ROBO1: variants seen among roughly 807,000 people sequenced by gnomAD.
The protein encoded by ROBO1 is roundabout guidance receptor 1.
Under a neutral mutation model 195.9 loss-of-function variants are expected in ROBO1, and 149 were observed. The observed-to-expected ratio is 0.76, with a 90% CI of 0.67 to 0.87. The LOEUF (loss-of-function observed/expected upper bound fraction) is 0.87. Among genes scored for constraint, ROBO1 ranks in the 40% least tolerant of loss-of-function variants. The pLI, the probability that ROBO1 is intolerant of heterozygous loss-of-function variation, is 0.00. For missense variants in ROBO1, 1,933 were observed against 2,068.3 expected, an observed-to-expected ratio of 0.93 and a Z score of 1.27; for synonymous variants, 816 against 733.2, an observed-to-expected ratio of 1.11 and a Z score of -1.82.
intron 3 of ROBO1, among the ~76,000 whole-genome samples, chr3:79,093,833 T>A (rs1404281562): frequency 6.6e-6 from 1 of 151,940 alleles, no homozygotes; most frequent in Non-Finnish European, 1.5e-5. Flanking sequence ...ATCCACCAGA[T>A]TTAAGAAGTG....
chr3:79,068,451 T>C (rs2079037068), intron 3 of ROBO1, among the ~76,000 whole-genome samples: 1 of 151,946 alleles, frequency 6.6e-6, no homozygotes, highest in South Asian at 2.1e-4. Context: ...AATGTGGTTG[T>C]TCAAAGTATC....
chr3:78,837,135 C>T (rs559116458), intron 4 of ROBO1, among the ~76,000 whole-genome samples: 50 of 152,068 alleles, frequency 3.3e-4, no homozygotes, highest in Non-Finnish European at 6.6e-4. Context: ...ATAATTAAAA[C>T]ATTAAGTGTT....
intron 1 of ROBO1, among the ~76,000 whole-genome samples, chr3:79,716,434 T>C (rs960798689): frequency 6.6e-6 from 1 of 151,978 alleles, no homozygotes; most frequent in African/African-American, 2.4e-5. Context: ...GACTAGGTTT[T>C]AGTACAGTAA....
intron 1 of ROBO1, among the ~76,000 whole-genome samples, chr3:79,642,514 G>T (rs1333030190): frequency 1.3e-5 from 2 of 152,056 alleles, no homozygotes; most frequent in Non-Finnish European, 2.9e-5. Flanking sequence ...GGGCTTTTAA[G>T]AGCAGCAAAA....
rs138784550 is a variant in ROBO1 at position 78,941,118 on chromosome 3, T to A, written c.173-2191A>T. Among the ~76,000 whole-genome samples the A allele has an allele frequency of 7.9e-5, 12 of 152,348 alleles. No individual in the cohort carries two copies. In the East Asian group the frequency reaches 2.3e-3, roughly 29 times the overall value. On this transcript the variant is annotated intron_variant, in intron 3 of 30. Coordinates refer to ENST00000464233, the MANE Select transcript of ROBO1 (RefSeq NM_002941.4). ...AAATATATTAATGAATAATGAAAGA[T>A]CTATTATTTGCTCATGTCCACCATG...
At chr3:78,628,041 C>T (rs1395100460) in intron 25 of ROBO1, among the ~76,000 whole-genome samples, 1 of 151,576 alleles carries the variant, frequency 6.6e-6, no homozygotes, top group Non-Finnish European at 1.5e-5. Flanking sequence ...GCAACCTCCA[C>T]CTCCCAGGTT....
intron 1 of ROBO1, among the ~76,000 whole-genome samples, chr3:79,611,850 C>A (rs796912439): frequency 6.6e-6 from 1 of 151,700 alleles, no homozygotes; most frequent in Non-Finnish European, 1.5e-5. Context: ...AAAAAACCTG[C>A]GCATTCTGCA....
chr3:79,461,287 C>G (rs964262467), intron 2 of ROBO1, among the ~76,000 whole-genome samples: 3 of 152,010 alleles, frequency 2.0e-5, no homozygotes, highest in African/African-American at 7.2e-5. Context: ...TTAACCACCA[C>G]AGTGGGACAG....
At chr3:79,624,437 T>A (rs1187145375) in intron 1 of ROBO1, among the ~76,000 whole-genome samples, 1 of 152,038 alleles carries the variant, frequency 6.6e-6, no homozygotes, top group East Asian at 1.9e-4. Flanking sequence ...ATCGGTATGC[T>A]GTATTCAGGA....
intron 2 of ROBO1, among the ~76,000 whole-genome samples, chr3:79,247,730 T>C (rs2082650525): frequency 6.6e-6 from 1 of 152,072 alleles, no homozygotes; most frequent in Non-Finnish European, 1.5e-5. Flanking sequence ...CTTTGGAACT[T>C]CTCTGAGCTG....
chr3:78,848,596 T>C (rs72896436), intron 4 of ROBO1, among the ~76,000 whole-genome samples: 6,149 of 152,158 alleles, frequency 0.04, 412 homozygotes, highest in African/African-American at 0.14. Context: ...GGGGATAGAA[T>C]GGTCCACGCA....
chr3:78,716,734 G>C (rs1254770437), intron 7 of ROBO1, among the ~76,000 whole-genome samples: 1 of 152,180 alleles, frequency 6.6e-6, no homozygotes, highest in East Asian at 1.9e-4. Flanking sequence ...TAATGGAGAA[G>C]ACGGCCCGCT....
intron 1 of ROBO1, among the ~76,000 whole-genome samples, chr3:79,623,894 A>T (rs919726447): frequency 6.6e-6 from 1 of 152,254 alleles, no homozygotes; most frequent in South Asian, 2.1e-4. Flanking sequence ...ACGCATAATC[A>T]TCAAATTCTC....
Position 78,668,407 on chromosome 3 carries a change from T to C in ROBO1, c.1630+77A>G, listed in dbSNP as rs565823608. Reference sequence around the variant, plus strand: ...TACACCTACTCAGGGAAGAGGACATTTACTTCATCAATATCCCAGTAAGTA... The same window carrying C: ...TACACCTACTCAGGGAAGAGGACATCTACTTCATCAATATCCCAGTAAGTA... On this transcript the variant is annotated intron_variant, in intron 12 of 30. Coordinates refer to ENST00000464233, the MANE Select transcript of ROBO1 (RefSeq NM_002941.4). 1,173 of 1,590,442 alleles carry C rather than the reference T, an allele frequency of 7.4e-4. 4 individuals carry two copies. The highest frequency in any genetic ancestry group is 1.8e-3 in the Middle Eastern group (11 of 5,982).
chr3:79,699,358 T>G (rs1250038317), intron 1 of ROBO1, among the ~76,000 whole-genome samples: 1 of 151,574 alleles, frequency 6.6e-6, no homozygotes, highest in East Asian at 1.9e-4. Flanking sequence ...ACATGATTTG[T>G]GCGCCTTCCA....
chr3:79,728,104 A>T (rs1702994405), intron 1 of ROBO1, among the ~76,000 whole-genome samples: 1 of 146,318 alleles, frequency 6.8e-6, no homozygotes, highest in Non-Finnish European at 1.5e-5. Flanking sequence ...GTGTGTGTAA[A>T]TATATGTATT....
intron 3 of ROBO1, among the ~76,000 whole-genome samples, chr3:79,099,433 T>C (rs1489069190): frequency 1.3e-5 from 2 of 151,686 alleles, no homozygotes; most frequent in Admixed American, 6.6e-5. Flanking sequence ...ATAAGACCTT[T>C]TGGAGCAAGT....
chr3:78,945,578 G>C (rs904260382), intron 3 of ROBO1, among the ~76,000 whole-genome samples: 1 of 152,110 alleles, frequency 6.6e-6, no homozygotes, highest in South Asian at 2.1e-4. Context: ...AAAAAACAGG[G>C]CAGAAAAACT....
At chr3:79,231,581 T>C (rs2082322230) in intron 2 of ROBO1, among the ~76,000 whole-genome samples, 1 of 151,942 alleles carries the variant, frequency 6.6e-6, no homozygotes, top group Non-Finnish European at 1.5e-5. Context: ...GGCAAGGTTG[T>C]AGAGAAAAAG....
Sources: gnomAD v4.1 joint callset for allele counts (sites outside exome capture counted in the v4.1 genomes callset) on GRCh38, gnomAD v4.1.1 for gene constraint, MANE v1.5 for transcripts, NCBI Gene and HGNC (gene_info 2026-07-23, HGNC 2026-07-21) for gene names.